Variants in SEC31B observed in about 807,000 individuals in gnomAD.
The protein encoded by SEC31B is protein transport protein Sec31B.
SEC31B carries 113 observed loss-of-function variants against 135.0 expected under a neutral mutation model. That is an observed-to-expected ratio of 0.84 (90% confidence interval 0.72 to 0.98). SEC31B has a LOEUF of 0.98. SEC31B is among the 50% of genes least tolerant of loss of function. The pLI is 0.00. For synonymous variants in SEC31B, 508 were observed against 549.4 expected, an observed-to-expected ratio of 0.92 and a Z score of 1.05; for missense variants, 1,296 against 1,421.1, an observed-to-expected ratio of 0.91 and a Z score of 1.42.
chr10:100,492,612 G>A (rs1851321326), intron 19 of SEC31B, among the ~76,000 whole-genome samples: 1 of 152,324 alleles, frequency 6.6e-6, no homozygotes, highest in East Asian at 1.9e-4. Context: ...AGATTGAAAA[G>A]AAAGAAAACT....
intron 10 of SEC31B, among the ~76,000 whole-genome samples, chr10:100,504,767 C>T (rs1176665087): frequency 6.6e-6 from 1 of 151,750 alleles, no homozygotes; most frequent in Non-Finnish European, 1.5e-5. Flanking sequence ...AAGAGAGGGG[C>T]CTTGAAAGGC....
chr10:100,506,576 G>A (rs544682602), intron 7 of SEC31B, 156 bp from the exon 8 acceptor site: 8 of 689,638 alleles, frequency 1.2e-5, no homozygotes, highest in Middle Eastern at 4.0e-4. Context: ...ATAAAATGAG[G>A]TTTTGAAAAA....
chr10:100,492,374 C>T (rs1589730701), intron 19 of SEC31B, among the ~76,000 whole-genome samples: 3 of 152,296 alleles, frequency 2.0e-5, no homozygotes, highest in Admixed American at 2.0e-4. Context: ...CAGGCATGCG[C>T]CACCATGCCC....
Position 100,497,521 on chromosome 10 carries a change from C to A in SEC31B, c.1990+146G>T. 4 of 1,527,258 alleles carry A rather than the reference C, an allele frequency of 2.6e-6. No homozygotes were observed. In the South Asian group the frequency reaches 5.2e-5, roughly 20 times the overall value. 94.6% of individuals were successfully genotyped at this position (1,527,258 alleles called of 1,614,324 possible). On this transcript the variant is annotated intron_variant, in intron 16 of 25. Transcript: ENST00000370345. ...ATAGGGGCATGCACTGTGGTCCCTG[C>A]CTCCTGGCTGAGCCAGATTCTAGCC... is the stretch of plus-strand genomic sequence containing the variant.
chr10:100,496,532 G>A (rs1851413191), intron 17 of SEC31B, 101 bp from the exon 18 acceptor site: 1 of 1,246,712 alleles, frequency 8.0e-7, no homozygotes, highest in South Asian at 1.4e-5. Context: ...GGGTACAGAT[G>A]AGGGCACCTG....
At position 100,488,225 on chromosome 10, in the gene SEC31B, C is replaced by T. The variant is rs1589728524; in HGVS notation, c.3289-127G>A. On this transcript the variant is annotated intron_variant, in intron 24 of 25. Transcript: ENST00000370345. ...CTGTAATCCCAGCACCTTGGGAGGC[C>T]AAGGCGGGTGGATCATGAGGTCAGG... The T allele has an allele frequency of 4.4e-5, 34 of 773,668 alleles. No individual in the cohort carries two copies. In the East Asian group the frequency reaches 9.4e-4, roughly 21 times the overall value. The allele number at this position is 773,668 out of a possible 1,614,324, so 47.9% of individuals were successfully genotyped here. A position where few individuals can be genotyped will look rare whatever the true frequency, so the allele number is the denominator to read the frequency against.
At chr10:100,502,933 C>T (rs1417227520) in intron 10 of SEC31B, among the ~76,000 whole-genome samples, 1 of 152,088 alleles carries the variant, frequency 6.6e-6, no homozygotes, top group African/African-American at 2.4e-5. Context: ...TGTTCTTTTC[C>T]CTCCTCTAAT....
intron 11 of SEC31B, chr10:100,500,304 G>A (rs1158985060): frequency 2.6e-6 from 1 of 390,344 alleles, no homozygotes; most frequent in African/African-American, 2.1e-5. Context: ...AGTCTTGTGA[G>A]TCTAAATGTT....
chr10:100,502,316 A>C lies in SEC31B; in HGVS notation c.1348T>G (p.Cys450Gly), dbSNP rs757777749. The C allele has an allele frequency of 6.2e-7, 1 of 1,614,182 alleles. No individual in the cohort carries two copies. The highest frequency in any genetic ancestry group is 8.5e-7 in the Non-Finnish European group (1 of 1,180,032). ...ALGSGNLLNY[C>G]QNKSQQALLQ... Reference sequence around the variant, plus strand: ...AAAGCTTGCTGGCTCTTGTTCTGACAGTAATTCAGTAGATTTCCTGATCCC... The same window carrying C: ...AAAGCTTGCTGGCTCTTGTTCTGACCGTAATTCAGTAGATTTCCTGATCCC... The change falls in exon 11 of 26, where the codon TGT (cysteine) becomes GGT (glycine). Residue 450 changes from cysteine (C) to glycine (G), a missense_variant. Coordinates refer to ENST00000370345, the MANE Select transcript of SEC31B (RefSeq NM_015490.4).
chr10:100,495,523 A>G lies in SEC31B; in HGVS notation c.2334T>C (p.Asp778=). The G allele has an allele frequency of 1.9e-6, 3 of 1,613,814 alleles. No individual in the cohort carries two copies. Among genetic ancestry groups the G allele is most frequent in the Non-Finnish European group, 2.5e-6 (3 of 1,179,942 alleles). Residue 778 remains aspartate, a synonymous_variant, in exon 19 of 26, where the codon GAT becomes GAC. Transcript: ENST00000370345. ...CAGAACCTTGAGCATGAAAAAGCCG[A>G]TCTCTTAGCTGCTGAACTGGTGGCT... ...CAQPPVQQLR[D]RLFHAQGSAV...
intron 3 of SEC31B, among the ~76,000 whole-genome samples, chr10:100,513,636 A>C (rs1463775950): frequency 1.3e-5 from 2 of 151,202 alleles, no homozygotes; most frequent in African/African-American, 4.9e-5. Context: ...CGCCCAGCTA[A>C]TTTTTGCATT....
rs751439874 is a variant in SEC31B, at chr10:100,506,166, G to C, written c.918C>G (p.Cys306Trp). 6.2e-7 allele frequency: 1 copy of C among 1,614,240 alleles called. No individual in the cohort carries two copies. Among genetic ancestry groups the C allele is most frequent in the East Asian group, 2.2e-5 (1 of 44,892 alleles). ...CCCGAGGGCACCACTGCACATCAAA[G>C]CACCAGCTGCTCTGTGTTGGTAGCT... ...VYKLPTQSSW[C>W]FDVQWCPRDP... Residue 306 changes from cysteine to tryptophan, a missense_variant, in exon 9 of 26, where the codon TGC (cysteine) becomes TGG (tryptophan). Coordinates refer to ENST00000370345, the MANE Select transcript of SEC31B (RefSeq NM_015490.4).
intron 1 of SEC31B, among the ~76,000 whole-genome samples, chr10:100,518,116 G>A (rs1223894420): frequency 1.3e-5 from 2 of 152,156 alleles, no homozygotes; most frequent in African/African-American, 4.8e-5. Flanking sequence ...GGCATTCCAT[G>A]CTTAAAATCT....
chr10:100,495,323 C>T (rs1419073171), intron 19 of SEC31B, 62 bp downstream of exon 19: 1 of 1,467,526 alleles, frequency 6.8e-7, no homozygotes, highest in Admixed American at 1.9e-5. Flanking sequence ...ATTCCAAGTG[C>T]CCAGAACCAT....
rs17113144 is a variant in SEC31B, at chr10:100,490,372, G to A, written c.2651-50C>T. The A allele has an allele frequency of 1.5e-3, 2,296 of 1,538,530 alleles. 24 individuals carry two copies. The African/African-American group carries it at 0.025, about 17-fold the overall frequency. Reference sequence around the variant, plus strand: ...TTTGTCACTAAACTTCATTTCAGGAGCAACTCAGAGCATATCAGGGAGAAA... The same window carrying A: ...TTTGTCACTAAACTTCATTTCAGGAACAACTCAGAGCATATCAGGGAGAAA... On this transcript the variant is annotated intron_variant, in intron 20 of 25. Coordinates refer to ENST00000370345, the MANE Select transcript of SEC31B (RefSeq NM_015490.4).
At chr10:100,511,002 G>C (rs967423181) in intron 3 of SEC31B, among the ~76,000 whole-genome samples, 1 of 152,216 alleles carries the variant, frequency 6.6e-6, no homozygotes, top group Non-Finnish European at 1.5e-5. Context: ...GGTATGTGCA[G>C]TGAAAAACCC....
intron 2 of SEC31B, among the ~76,000 whole-genome samples, chr10:100,516,535 G>C (rs11190590): frequency 0.19 from 27,993 of 151,060 alleles, 2,761 homozygotes; most frequent in South Asian, 0.23. Flanking sequence ...TGTAGTCCCA[G>C]CTACTCAGGA....
At chr10:100,507,815 A>T (rs949028884) in intron 6 of SEC31B, 93 bp downstream of exon 6, 49 of 1,551,998 alleles carry the variant, frequency 3.2e-5, no homozygotes, top group African/African-American at 4.1e-5. Context: ...GACAGCTGAA[A>T]GCAGGACTCT....
intron 3 of SEC31B, among the ~76,000 whole-genome samples, chr10:100,511,723 T>C (rs961296990): frequency 6.6e-6 from 1 of 152,230 alleles, no homozygotes; most frequent in African/African-American, 2.4e-5. Context: ...AATCCTAGCT[T>C]CATGTTAGTG....
Sources: allele counts gnomAD v4.1 joint callset (sites outside exome capture counted in the v4.1 genomes callset), GRCh38; gene constraint gnomAD v4.1.1; transcripts MANE v1.5; gene names NCBI Gene and HGNC (gene_info 2026-07-23, HGNC 2026-07-21).